GRB10: variants seen among roughly 807,000 people sequenced by gnomAD.
The protein encoded by GRB10 is growth factor receptor-bound protein 10.
A neutral mutation model predicts 80.9 loss-of-function variants in GRB10; 20 were observed. The observed-to-expected ratio is 0.25, with a 90% CI of 0.17 to 0.36. The LOEUF is 0.36. Among genes scored for constraint, GRB10 ranks in the 10% least tolerant of loss-of-function variants. The pLI is 1.00. For synonymous variants in GRB10, 291 were observed against 291.5 expected (o/e 1.00, Z 0.02); for missense variants, 548 against 747.7 (o/e 0.73, Z 3.12).
At chr7:50,781,861 T>C (rs578128922) in intron 1 of GRB10, among the ~76,000 whole-genome samples, 3 of 152,378 alleles carry the variant, frequency 2.0e-5, no homozygotes, top group South Asian at 2.1e-4. Flanking sequence ...TTGTCTGATA[T>C]GCACCTTCCA....
At chr7:50,601,600 T>C (rs1032838268) in intron 17 of GRB10, among the ~76,000 whole-genome samples, 1 of 152,172 alleles carries the variant, frequency 6.6e-6, no homozygotes. Flanking sequence ...ATATTACAGG[T>C]ATGTATTTTG....
chr7:50,703,900 C>T lies in GRB10; in HGVS notation c.60G>A (p.Val20=), dbSNP rs2064625440. ...FLHHPYYQDK[V]EQTPRSQQDP... ...CTTGTTGACTGCGAGGTGTCTGCTC[C>T]ACCTTGTCCTAAAAAAACAGGACCG... The change falls in exon 5 of 19, where the codon GTG becomes GTA. Residue 20 remains valine, a synonymous_variant. Transcript: ENST00000401949. 3 of 1,612,832 alleles carry T rather than the reference C, an allele frequency of 1.9e-6. No homozygotes were observed. Among genetic ancestry groups the T allele is most frequent in the Non-Finnish European group, 8.5e-7 (1 of 1,179,098 alleles).
At chr7:50,682,997 G>C (rs576739913) in intron 5 of GRB10, among the ~76,000 whole-genome samples, 2 of 152,292 alleles carry the variant, frequency 1.3e-5, no homozygotes, top group South Asian at 4.1e-4. Context: ...AAAATTGAAA[G>C]TAGGGACTTC....
Position 50,655,876 on chromosome 7 carries a change from T to C in GRB10, c.504+13846A>G, listed in dbSNP as rs540916826. Reference sequence around the variant, plus strand: ...AACACTGTATGCCTTCCAAGGCACTTAAGGATTCCTCATCTTCGGCCCCAC... The same window carrying C: ...AACACTGTATGCCTTCCAAGGCACTCAAGGATTCCTCATCTTCGGCCCCAC... On this transcript the variant is annotated intron_variant, in intron 7 of 18. Coordinates refer to ENST00000401949, the MANE Select transcript of GRB10 (RefSeq NM_001350814.2). 5.3e-5 allele frequency among the ~76,000 whole-genome samples: 8 copies of C among 152,314 alleles called. No homozygotes were observed. In the South Asian group the frequency reaches 1.5e-3, roughly 28 times the overall value.
intron 2 of GRB10, among the ~76,000 whole-genome samples, chr7:50,763,569 G>C (rs1328107920): frequency 6.6e-6 from 1 of 152,208 alleles, no homozygotes; most frequent in Non-Finnish European, 1.5e-5. Context: ...CACACGGAAT[G>C]TTTACTACAC....
At chr7:50,653,678 C>T (rs1186872569) in intron 7 of GRB10, among the ~76,000 whole-genome samples, 1 of 152,208 alleles carries the variant, frequency 6.6e-6, no homozygotes, top group African/African-American at 2.4e-5. Flanking sequence ...CAGCCGCTGG[C>T]CTCCCCGGGC....
chr7:50,750,917 G>C (rs2074009718), intron 3 of GRB10, among the ~76,000 whole-genome samples: 1 of 152,216 alleles, frequency 6.6e-6, no homozygotes, highest in South Asian at 2.1e-4. Flanking sequence ...TCTGAGGACA[G>C]CTCTCCCAGG....
chr7:50,604,185 C>G, intron 16 of GRB10, 100 bp from the exon 17 acceptor site: 1 of 1,295,460 alleles, frequency 7.7e-7, no homozygotes, highest in Non-Finnish European at 1.1e-6. Flanking sequence ...GCCCCTGACT[C>G]CCCCAGCTAC....
chr7:50,638,584 A>G (rs1272502731), intron 7 of GRB10, among the ~76,000 whole-genome samples: 2 of 152,226 alleles, frequency 1.3e-5, no homozygotes, highest in East Asian at 1.9e-4. Context: ...TTAAAAGTCA[A>G]CAAAACAAAA....
chr7:50,777,429 T>TATACACACACACACACACAC (rs1554316306), intron 2 of GRB10, among the ~76,000 whole-genome samples: 2 of 146,272 alleles, frequency 1.4e-5, no homozygotes, highest in South Asian at 2.3e-4. Context: ...GCAATCTGTA[T>TATACACACACACACACACAC]ACACACACAC....
At chr7:50,674,681 A>G in intron 5 of GRB10, 23 bp from the exon 6 acceptor site, 2 of 1,605,098 alleles carry the variant, frequency 1.2e-6, no homozygotes, top group Non-Finnish European at 1.7e-6. Flanking sequence ...AGGCAAGAGC[A>G]AAAAAGAAAC....
chr7:50,646,555 G>A (rs1195988811), intron 7 of GRB10, among the ~76,000 whole-genome samples: 2 of 151,378 alleles, frequency 1.3e-5, no homozygotes, highest in Admixed American at 1.3e-4. Flanking sequence ...TCCTTTTTTT[G>A]GTCTCCTGGT....
At chr7:50,616,064 G>T in intron 11 of GRB10, 146 bp downstream of exon 11, 1 of 893,276 alleles carries the variant, frequency 1.1e-6, no homozygotes, top group Non-Finnish European at 1.8e-6. Flanking sequence ...AAGTTCAGCT[G>T]CTGCACAATT....
rs375156032 is a variant in GRB10 at position 50,789,635 on chromosome 7, G to T, written c.-294+3589C>A. ...TTAACAACAAAAAGTCCACTCTGTT[G>T]CTGGGTCCAGCCCAAATAATAAGCC... is the stretch of plus-strand genomic sequence containing the variant. On this transcript the variant is annotated intron_variant, in intron 1 of 16. Coordinates refer to the GRB10 transcript ENST00000335866. Among the ~76,000 whole-genome samples the T allele has an allele frequency of 1.4e-4, 22 of 152,326 alleles. No homozygotes were observed. The East Asian group carries it at 4.2e-3, about 29-fold the overall frequency.
At chr7:50,614,988 A>G in intron 11 of GRB10, 108 bp from the exon 12 acceptor site, 1 of 751,204 alleles carries the variant, frequency 1.3e-6, no homozygotes, top group Non-Finnish European at 2.4e-6. Flanking sequence ...ACTTTCCCCG[A>G]TGACACTATA....
chr7:50,638,918 T>G (rs1430078959), intron 7 of GRB10, among the ~76,000 whole-genome samples: 1 of 152,198 alleles, frequency 6.6e-6, no homozygotes, highest in African/African-American at 2.4e-5. Context: ...TAAAAAAGAA[T>G]GAAATCATGT....
At chr7:50,677,707 T>TAC (rs2061106911) in intron 5 of GRB10, among the ~76,000 whole-genome samples, 3 of 152,196 alleles carry the variant, frequency 2.0e-5, no homozygotes, top group Admixed American at 2.0e-4. Context: ...ACTCTTAACT[T>TAC]ACCGTATTAA....
chr7:50,669,803 A>G lies in GRB10; in HGVS notation c.423T>C (p.Pro141=). 3.7e-6 allele frequency: 6 copies of G among 1,614,014 alleles called. No individual in the cohort carries two copies. Among genetic ancestry groups the G allele is most frequent in the Non-Finnish European group, 5.1e-6 (6 of 1,179,966 alleles). ...RTSSLPAIPN[P]FPELCGPGSP... is the part of the protein sequence containing the mutation. ...TCCCAGGGCCACAGAGTTCAGGAAAAGGATTGGGGATGGCCGGCAGAGATG... is the reference window on the plus strand; with the variant it reads ...TCCCAGGGCCACAGAGTTCAGGAAAGGGATTGGGGATGGCCGGCAGAGATG... Residue 141 remains proline (P), a synonymous_variant, in exon 7 of 19, where the codon CCT becomes CCC. Coordinates refer to ENST00000401949, the MANE Select transcript of GRB10 (RefSeq NM_001350814.2).
chr7:50,671,454 G>A (rs2244372), intron 6 of GRB10, among the ~76,000 whole-genome samples: 85,835 of 152,114 alleles, frequency 0.56, 24,705 homozygotes, highest in African/African-American at 0.66. Context: ...ACTATCCCAC[G>A]TAGACCAGCA....
Sources: gnomAD v4.1 joint callset for allele counts (sites outside exome capture counted in the v4.1 genomes callset) on GRCh38, gnomAD v4.1.1 for gene constraint, MANE v1.5 for transcripts, NCBI Gene and HGNC (gene_info 2026-07-23, HGNC 2026-07-21) for gene names.